BSN: variants seen among roughly 807,000 people sequenced by gnomAD.
BSN encodes the protein bassoon presynaptic cytomatrix protein, also known as protein bassoon.
In BSN, 57 loss-of-function variants were observed where a neutral mutation model predicts 264.8. The ratio of observed to expected loss-of-function variants is 0.22; its 90% CI spans 0.17 to 0.27. BSN has a LOEUF of 0.27. Among genes scored for constraint, BSN ranks in the 10% least tolerant of loss-of-function variants. BSN has a pLI of 1.00. For synonymous variants in BSN, 2,059 were observed against 2,137.3 expected, an observed-to-expected ratio of 0.96 and a Z score of 1.01; for missense variants, 4,615 against 5,232.5, an observed-to-expected ratio of 0.88 and a Z score of 3.64.
chr3:49,630,325 G>A (rs1389262293), intron 2 of BSN, among the ~76,000 whole-genome samples: 1 of 152,242 alleles, frequency 6.6e-6, no homozygotes, highest in Non-Finnish European at 1.5e-5. Context: ...AAATGGAAGT[G>A]GATCTCCAGG....
At position 49,662,512 on chromosome 3, in the gene BSN, A is replaced by T. The variant is rs1167797374; in HGVS notation, c.10667A>T (p.Glu3556Val). The T allele has an allele frequency of 1.2e-6, 2 of 1,611,282 alleles. No individual in the cohort carries two copies. Among genetic ancestry groups the T allele is most frequent in the Admixed American group, 1.7e-5 (1 of 59,496 alleles). The stretch of plus-strand genomic sequence containing the variant: ...CCTCGGGCCCACGCATATAAGCGTG[A>T]GGAGGGCTACATCCTGGATGATTCC... ...DGPRAHAYKR[E>V]EGYILDDSHC... The change falls in exon 6 of 12, where the codon GAG (glutamate) becomes GTG (valine). Residue 3556 changes from glutamate (E) to valine (V), a missense_variant. By Grantham distance (121) the Glu-to-Val change is moderately radical. This residue lies in a region of BSN where 3,415 missense variants were observed against 3,866.4 expected (regional missense o/e 0.88). Transcript: ENST00000296452.
chr3:49,619,462 G>A (rs2108052960), intron 1 of BSN, among the ~76,000 whole-genome samples: 1 of 152,318 alleles, frequency 6.6e-6, no homozygotes, highest in Middle Eastern at 3.4e-3. Context: ...TTAAGGACAT[G>A]GACTGGTGGC....
chr3:49,565,852 C>T (rs985650916), intron 1 of BSN, among the ~76,000 whole-genome samples: 3 of 152,082 alleles, frequency 2.0e-5, no homozygotes, highest in African/African-American at 4.8e-5. Context: ...GACGGAGTCT[C>T]GCCCTATTGC....
At position 49,658,206 on chromosome 3, in the gene BSN, CAG is replaced by C. The variant is rs758053949; in HGVS notation, c.8640+11_8640+12del. 20 of 1,537,090 alleles carry C rather than the reference CAG, an allele frequency of 1.3e-5. No individual in the cohort carries two copies. The highest frequency in any genetic ancestry group is 1.6e-5 in the Non-Finnish European group (18 of 1,139,678). On this transcript the variant is annotated intron_variant, in intron 5 of 11. Transcript: ENST00000296452. ...GGGACTGGGTAGCCAGGTATGGGAA[CAG>C]GGGCTGTTCCAGGGTGGGACAGGGG...
intron 1 of BSN, among the ~76,000 whole-genome samples, chr3:49,608,878 C>T (rs2052180682): frequency 6.6e-6 from 1 of 151,506 alleles, no homozygotes; most frequent in Non-Finnish European, 1.5e-5. Flanking sequence ...ACGTCCTTAG[C>T]ATCAGCCCTG....
intron 1 of BSN, among the ~76,000 whole-genome samples, chr3:49,567,285 G>A (rs533822301): frequency 7.7e-4 from 117 of 152,226 alleles, no homozygotes; most frequent in Non-Finnish European, 1.3e-3. Context: ...ATCTGATTAA[G>A]AGGATATAAA....
rs1000936888 is a variant in BSN, at chr3:49,642,831, C to T, written c.1197C>T (p.Pro399=). The part of the protein sequence containing the change: ...NDASKEAGPK[P]LGSGPGPGPA... ...CCAGCAAGGAGGCTGGCCCAAAACCCTTGGGCTCAGGGCCCGGGCCTGGGC... is the reference window on the plus strand; with the variant it reads ...CCAGCAAGGAGGCTGGCCCAAAACCTTTGGGCTCAGGGCCCGGGCCTGGGC... Residue 399 remains proline, a synonymous_variant, in exon 3 of 12, where the codon CCC becomes CCT. Coordinates refer to ENST00000296452, the MANE Select transcript of BSN (RefSeq NM_003458.4). The surrounding 1 kb of genome is among the most constrained non-coding windows in gnomAD (Gnocchi z 7.0). 6 of 1,613,064 alleles carry T rather than the reference C, an allele frequency of 3.7e-6. No homozygotes were observed. Among genetic ancestry groups the T allele is most frequent in the Non-Finnish European group, 5.1e-6 (6 of 1,179,710 alleles).
chr3:49,568,612 A>T (rs535957738), intron 1 of BSN, among the ~76,000 whole-genome samples: 1 of 152,192 alleles, frequency 6.6e-6, no homozygotes, highest in Admixed American at 6.5e-5. Flanking sequence ...AATCTTGAAG[A>T]TCACCCTGTA....
Position 49,663,586 on chromosome 3 carries a change from T to G in BSN, c.11428T>G (p.Ser3810Ala), listed in dbSNP as rs2052685078. The G allele has an allele frequency of 1.9e-6, 3 of 1,606,020 alleles. No homozygotes were observed. In the East Asian group the frequency reaches 6.7e-5, roughly 36 times the overall value. The part of the protein sequence containing the change: ...QQQSQPTTRG[S>A]APAASQPAGK... ...ACAGAGCCAGCCAACCACCCGGGGC[T>G]CAGCCCCTGCTGCCAGCCAGCCTGC... The change falls in exon 7 of 12, where the codon TCA becomes GCA. Residue 3810 changes from serine (S) to alanine (A), a missense_variant. By Grantham distance (99) the Ser-to-Ala change is moderately conservative. This residue lies in a region of BSN where 3,415 missense variants were observed against 3,866.4 expected (regional missense o/e 0.88). Coordinates refer to ENST00000296452, the MANE Select transcript of BSN (RefSeq NM_003458.4).
intron 1 of BSN, among the ~76,000 whole-genome samples, chr3:49,604,788 C>T (rs138644898): frequency 6.6e-6 from 1 of 152,088 alleles, no homozygotes; most frequent in Non-Finnish European, 1.5e-5. Flanking sequence ...TCCCAGGCCT[C>T]CCACACCTAC....
chr3:49,574,564 A>G lies in BSN; in HGVS notation c.224+19738A>G, dbSNP rs374555388. On this transcript the variant is annotated intron_variant, in intron 1 of 11. Coordinates refer to ENST00000296452, the MANE Select transcript of BSN (RefSeq NM_003458.4). Reference sequence around the variant, plus strand: ...GTCTCCTGCCTCAGCCTGCCTAGTAACTGGGATTACAGGCGCCTGCCACCA... The same window carrying G: ...GTCTCCTGCCTCAGCCTGCCTAGTAGCTGGGATTACAGGCGCCTGCCACCA... Among the ~76,000 whole-genome samples the G allele has an allele frequency of 1.3e-4, 19 of 150,080 alleles. No homozygotes were observed. In the East Asian group the frequency reaches 2.4e-3, roughly 19 times the overall value.
At chr3:49,590,548 G>C (rs922722153) in intron 1 of BSN, among the ~76,000 whole-genome samples, 1 of 151,782 alleles carries the variant, frequency 6.6e-6, no homozygotes, top group Admixed American at 6.6e-5. Context: ...GTGCCTAGTG[G>C]TTGCTTTAGG....
At position 49,608,701 on chromosome 3, in the gene BSN, G is replaced by A. The variant is rs1446987243; in HGVS notation, c.225-16274G>A. ...AAACTAGCTGGGCATGGTGGCAGGC[G>A]CCTGTAATCCCAGCTACTTGAGAGG... On this transcript the variant is annotated intron_variant, in intron 1 of 11. Transcript: ENST00000296452. 2.8e-4 allele frequency among the ~76,000 whole-genome samples: 43 copies of A among 152,060 alleles called. 1 individual carries two copies. Among genetic ancestry groups the A allele is most frequent in the Admixed American group, 2.4e-3 (36 of 15,260 alleles).
chr3:49,636,856 G>A (rs978176846), intron 2 of BSN, among the ~76,000 whole-genome samples: 3 of 152,246 alleles, frequency 2.0e-5, no homozygotes, highest in Non-Finnish European at 4.4e-5. Flanking sequence ...GAGTATCCAG[G>A]CTAGGCCTGA....
At chr3:49,583,562 A>G (rs1000783485) in intron 1 of BSN, among the ~76,000 whole-genome samples, 5 of 152,034 alleles carry the variant, frequency 3.3e-5, no homozygotes, top group African/African-American at 9.7e-5. Context: ...GTGAGCTATG[A>G]TTGTGTCACT....
intron 1 of BSN, among the ~76,000 whole-genome samples, chr3:49,574,339 C>T (rs2051824099): frequency 6.6e-6 from 1 of 152,106 alleles, no homozygotes; most frequent in South Asian, 2.1e-4. Context: ...GTCATCAGGA[C>T]TAGAGGTACA....
At chr3:49,591,626 C>T (rs542456263) in intron 1 of BSN, among the ~76,000 whole-genome samples, 19 of 151,948 alleles carry the variant, frequency 1.3e-4, no homozygotes, top group Middle Eastern at 3.4e-3. Context: ...GAGGCAGGGT[C>T]TCACTCTGTC....
At chr3:49,631,745 A>T (rs1183132582) in intron 2 of BSN, among the ~76,000 whole-genome samples, 1 of 152,174 alleles carries the variant, frequency 6.6e-6, no homozygotes, top group Non-Finnish European at 1.5e-5. Flanking sequence ...GAAGGCATGC[A>T]GGTCCTGCTG....
At chr3:49,613,803 CAGCTGT>C (rs2052232277) in intron 1 of BSN, among the ~76,000 whole-genome samples, 1 of 151,956 alleles carries the variant, frequency 6.6e-6, no homozygotes. Context: ...CCGCCATGCC[CAGCTGT>C]AGTTCAAGTG....
Sources: allele counts gnomAD v4.1 joint callset (sites outside exome capture counted in the v4.1 genomes callset), GRCh38; gene constraint gnomAD v4.1.1; regional missense constraint gnomAD v4.1.1; non-coding constraint Gnocchi (gnomAD v3.1); transcripts MANE v1.5; gene names NCBI Gene and HGNC (gene_info 2026-07-23, HGNC 2026-07-21).